The following TPO variants were observed in gnomAD, a reference collection of about 807,000 sequenced individuals.
TPO encodes the protein thyroid peroxidase.
TPO carries 78 observed loss-of-function variants against 96.9 expected under a neutral mutation model. That is an observed-to-expected ratio of 0.81 (90% CI 0.67 to 0.97). TPO has a LOEUF of 0.97. TPO is among the 50% of genes least tolerant of loss of function. TPO has a pLI of 0.00. For missense variants in TPO, 1,252 were observed against 1,274.8 expected, an observed-to-expected ratio of 0.98 and a Z score of 0.27; for synonymous variants, 547 against 538.0, an observed-to-expected ratio of 1.02 and a Z score of -0.23.
chr2:1,480,856 C>T (rs916792123), intron 8 of TPO, among the ~76,000 whole-genome samples: 1 of 65,086 alleles, frequency 1.5e-5, no homozygotes, highest in Non-Finnish European at 3.6e-5. Context: ...ACCATACCCA[C>T]TCTAATTTGT....
chr2:1,503,782 C>T (rs758753042), intron 13 of TPO, 166 bp from the exon 14 acceptor site: 19 of 1,284,258 alleles, frequency 1.5e-5, no homozygotes, highest in Admixed American at 2.0e-5. Context: ...ATCACCTTTT[C>T]GGATGTGCCG....
rs1387457536 is a variant in TPO, at chr2:1,413,607, A to G, written c.-2+62A>G. On this transcript the variant is annotated intron_variant, in intron 1 of 16. Coordinates refer to ENST00000329066, the MANE Select transcript of TPO (RefSeq NM_001206744.2). ...AGAGAAATTCATCATTGGAACTTGT[A>G]AAGTGGCCCAAGAGTGGCTGTAATT... The G allele has an allele frequency of 1.2e-5, 11 of 916,758 alleles. No homozygotes were observed. The East Asian group carries it at 1.1e-3, about 88-fold the overall frequency. 56.8% of individuals were successfully genotyped at this position (916,758 alleles called of 1,614,324 possible).
chr2:1,431,088 C>G (rs764444632), intron 3 of TPO, among the ~76,000 whole-genome samples: 2 of 151,582 alleles, frequency 1.3e-5, no homozygotes, highest in South Asian at 4.2e-4. Flanking sequence ...GCTTTTCCCC[C>G]TTAAATCTCA....
At chr2:1,506,568 T>G (rs1232760095) in intron 14 of TPO, among the ~76,000 whole-genome samples, 1 of 152,336 alleles carries the variant, frequency 6.6e-6, no homozygotes, top group African/African-American at 2.4e-5. Context: ...TTTTTAATGA[T>G]TGTCATTCCA....
chr2:1,503,915 C>A, intron 13 of TPO, 33 bp from the exon 14 acceptor site: 1 of 1,614,140 alleles, frequency 6.2e-7, no homozygotes, highest in Non-Finnish European at 8.5e-7. Context: ...GCAGCCGCTT[C>A]CTCTCACGTG....
At chr2:1,399,957 G>T (rs1416973679) in intron 1 of TPO, among the ~76,000 whole-genome samples, 3 of 152,180 alleles carry the variant, frequency 2.0e-5, no homozygotes. Flanking sequence ...AATGGGAGCT[G>T]CCACCCATGG....
At chr2:1,416,018 C>T (rs1449455094) in intron 2 of TPO, among the ~76,000 whole-genome samples, 1 of 152,170 alleles carries the variant, frequency 6.6e-6, no homozygotes, top group Non-Finnish European at 1.5e-5. Context: ...TGCCAGCTTC[C>T]ATCCATGCCC....
intron 2 of TPO, among the ~76,000 whole-genome samples, chr2:1,417,133 C>A (rs1199003633): frequency 6.6e-6 from 1 of 152,280 alleles, no homozygotes; most frequent in Non-Finnish European, 1.5e-5. Flanking sequence ...ATACTTGAAG[C>A]TCGATGATAA....
chr2:1,538,108 T>G (rs991223776), intron 15 of TPO, among the ~76,000 whole-genome samples: 4 of 103,352 alleles, frequency 3.9e-5, no homozygotes, highest in African/African-American at 1.5e-4. Flanking sequence ...GTGTGCAACC[T>G]CCTCAAATCC....
At chr2:1,452,153 A>G (rs1667362180) in intron 5 of TPO, among the ~76,000 whole-genome samples, 2 of 152,240 alleles carry the variant, frequency 1.3e-5, no homozygotes, top group South Asian at 2.1e-4. Flanking sequence ...CAAGGGCCTC[A>G]GTGTTCATTG....
Position 1,496,686 on chromosome 2 carries a change from G to T in TPO, c.2307G>T (p.Arg769=), listed in dbSNP as rs766543408. ...GGCGCGTGCTGGTGTATTCCTGCCG[G>T]CACGGGTATGAGCTCCAAGGCCGGG... The part of the protein sequence containing the change: ...SGRRVLVYSC[R]HGYELQGREQ... The change falls in exon 13 of 17, where the codon CGG becomes CGT. Residue 769 remains arginine (R), a synonymous_variant. Transcript: ENST00000329066. 3 of 1,614,082 alleles carry T rather than the reference G, an allele frequency of 1.9e-6. No homozygotes were observed. The Admixed American group carries it at 5.0e-5, about 27-fold the overall frequency.
chr2:1,496,243 C>A, intron 12 of TPO, 46 bp downstream of exon 12: 1 of 1,591,348 alleles, frequency 6.3e-7, no homozygotes, highest in Non-Finnish European at 8.6e-7. Context: ...ACGTGCATCT[C>A]ATCAAACAAA....
chr2:1,512,081 T>C (rs891951469), intron 14 of TPO, among the ~76,000 whole-genome samples: 1 of 152,074 alleles, frequency 6.6e-6, no homozygotes, highest in Non-Finnish European at 1.5e-5. Flanking sequence ...TCGCCTAGAC[T>C]GGAGTGCAGT....
Position 1,477,458 on chromosome 2 carries a change from A to C in TPO, c.1192A>C (p.Ser398Arg). The C allele has an allele frequency of 6.6e-7, 1 of 1,525,520 alleles. No individual in the cohort carries two copies. The highest frequency in any genetic ancestry group is 8.8e-7 in the Non-Finnish European group (1 of 1,141,172). 94.5% of individuals were successfully genotyped at this position (1,525,520 alleles called of 1,614,324 possible). A position where few individuals can be genotyped will look rare whatever the true frequency, so the allele number is the denominator to read the frequency against. The stretch of plus-strand genomic sequence containing the variant: ...CTTCCTGGCCGGAGACGGCCGCGCC[A>C]GCGAGGTCCCCTCCCTGACGGCACT... ...PCFLAGDGRA[S>R]EVPSLTALHT... is the part of the protein sequence containing the mutation. Residue 398 changes from serine (S) to arginine (R), a missense_variant, in exon 8 of 17, where the codon AGC (serine) becomes CGC (arginine). By Grantham distance (110) the Ser-to-Arg change is moderately radical. Coordinates refer to ENST00000329066, the MANE Select transcript of TPO (RefSeq NM_001206744.2).
At chr2:1,503,696 G>A (rs895000778) in intron 13 of TPO, 15 of 691,570 alleles carry the variant, frequency 2.2e-5, no homozygotes, top group Non-Finnish European at 2.9e-5. Context: ...CCTGTGACTC[G>A]GGCCTGAGTG....
intron 14 of TPO, among the ~76,000 whole-genome samples, chr2:1,506,487 T>G (rs1269961455): frequency 6.6e-6 from 1 of 152,216 alleles, no homozygotes; most frequent in South Asian, 2.1e-4. Context: ...TGAACTAGTT[T>G]ACAGTCCCAC....
intron 1 of TPO, among the ~76,000 whole-genome samples, chr2:1,395,784 G>T (rs1372763302): frequency 1.3e-5 from 2 of 150,924 alleles, no homozygotes; most frequent in African/African-American, 4.9e-5. Context: ...TCTAGTGATA[G>T]TGACTAAGTC....
chr2:1,519,232 T>G (rs1356611811), intron 15 of TPO, among the ~76,000 whole-genome samples: 1 of 152,220 alleles, frequency 6.6e-6, no homozygotes, highest in Admixed American at 6.5e-5. Context: ...CCCAGAAAAC[T>G]TAATGAAGTG....
chr2:1,501,247 C>T (rs552514350), intron 13 of TPO, among the ~76,000 whole-genome samples: 5 of 152,350 alleles, frequency 3.3e-5, no homozygotes, highest in African/African-American at 7.2e-5. Context: ...GCACTCACTG[C>T]GCGTGGAGAT....
Sources: allele counts gnomAD v4.1 joint callset (sites outside exome capture counted in the v4.1 genomes callset), GRCh38; gene constraint gnomAD v4.1.1; transcripts MANE v1.5; gene names NCBI Gene and HGNC (gene_info 2026-07-23, HGNC 2026-07-21).